LRP2: variants seen among roughly 807,000 people sequenced by gnomAD.
LRP2 encodes the protein LDL receptor related protein 2, also known as low-density lipoprotein receptor-related protein 2.
A neutral mutation model predicts 531.0 loss-of-function variants in LRP2; 172 were observed. The ratio of observed to expected loss-of-function variants is 0.32; its 90% CI spans 0.29 to 0.37. LRP2 has a LOEUF of 0.37. Ranked by LOEUF, LRP2 falls within the 10% of genes least tolerant of loss-of-function variation. The pLI is 1.00. For missense variants in LRP2, 5,167 were observed against 5,868.3 expected (o/e 0.88, Z 3.90); for synonymous variants, 1,992 against 2,027.6 (o/e 0.98, Z 0.47).
At chr2:169,151,912 C>A (rs542015828) in intron 67 of LRP2, among the ~76,000 whole-genome samples, 48 of 152,284 alleles carry the variant, frequency 3.2e-4, no homozygotes, top group African/African-American at 1.2e-3. Context: ...CAAAGATGCT[C>A]TTCCAGGAAC....
Position 169,211,821 on chromosome 2 carries a change from C to T in LRP2, c.6280+147G>A, listed in dbSNP as rs1688603928. On this transcript the variant is annotated intron_variant, in intron 37 of 78. Coordinates refer to ENST00000649046, the MANE Select transcript of LRP2 (RefSeq NM_004525.3). ...CTGAGACACACTAAAGTTTGAAAAA[C>T]ACTTTAGGCTGTGCCAGTTGATTTA... The T allele has an allele frequency of 2.7e-6, 3 of 1,126,306 alleles. No individual in the cohort carries two copies. The African/African-American group carries it at 4.6e-5, about 17-fold the overall frequency. 69.8% of individuals were successfully genotyped at this position (1,126,306 alleles called of 1,614,324 possible). A position where few individuals can be genotyped will look rare whatever the true frequency, so the allele number is the denominator to read the frequency against.
In LRP2 at chr2:169,206,072, T is replaced by C; in HGVS notation, c.7507A>G (p.Ile2503Val). Reference protein sequence around the residue: ...MAEDGSNRTVIARVPKPRAIV... With the variant: ...MAEDGSNRTVVARVPKPRAIV... ...GCTCTTGGTTTTGGAACGCGGGCTATCACAGTGCGGTTAGACCCATCTTCA... is the reference window on the plus strand; with the variant it reads ...GCTCTTGGTTTTGGAACGCGGGCTACCACAGTGCGGTTAGACCCATCTTCA... The change falls in exon 40 of 79, where the codon ATA becomes GTA. Residue 2503 changes from isoleucine to valine, a missense_variant. Physicochemically the swap from Ile to Val is conservative, Grantham distance 29 (BLOSUM62 3). Around this residue, in one of 6 missense-constraint regions of LRP2, gnomAD observed 1,129 missense variants for 1,362.7 expected, o/e 0.83. Coordinates refer to ENST00000649046, the MANE Select transcript of LRP2 (RefSeq NM_004525.3). 1 of 1,614,242 alleles carries C rather than the reference T, an allele frequency of 6.2e-7. No individual in the cohort carries two copies. Among genetic ancestry groups the C allele is most frequent in the Non-Finnish European group, 8.5e-7 (1 of 1,180,038 alleles).
At chr2:169,147,074 GC>G (rs1685941732) in intron 68 of LRP2, 115 bp from the exon 69 acceptor site, 6 of 800,362 alleles carry the variant, frequency 7.5e-6, no homozygotes, top group Middle Eastern at 2.2e-4. Flanking sequence ...GGACCTGGGT[GC>G]TCAGTGACAC....
intron 71 of LRP2, among the ~76,000 whole-genome samples, chr2:169,141,862 GT>G (rs1198841884): frequency 6.6e-6 from 1 of 152,160 alleles, no homozygotes; most frequent in Non-Finnish European, 1.5e-5. Flanking sequence ...ACAAGAAACA[GT>G]TTTTTCTCCC....
chr2:169,300,616 G>T (rs1262140457), intron 4 of LRP2, among the ~76,000 whole-genome samples: 1 of 152,094 alleles, frequency 6.6e-6, no homozygotes, highest in Non-Finnish European at 1.5e-5. Flanking sequence ...AAAGATGGGG[G>T]ATATTTATAA....
At position 169,175,247 on chromosome 2, in the gene LRP2, A is replaced by T; in HGVS notation, c.10714T>A (p.Cys3572Ser). The change falls in exon 55 of 79, where the codon TGC (cysteine) becomes AGC (serine). Residue 3572 changes from cysteine (C) to serine (S), a missense_variant. Transcript: ENST00000649046. ...TCAGGGCAATTTTGGTGAGCATTGC[A>T]TAAAGTCTGCGGGCTGGTGCAGTTG... ...DGNCTSPQTL[C>S]NAHQNCPDGS... The T allele has an allele frequency of 6.2e-7, 1 of 1,614,210 alleles. No homozygotes were observed. Among genetic ancestry groups the T allele is most frequent in the Non-Finnish European group, 8.5e-7 (1 of 1,180,030 alleles).
chr2:169,244,857 C>G lies in LRP2; in HGVS notation c.3266G>C (p.Arg1089Pro). Residue 1089 changes from arginine (R) to proline (P), a missense_variant, in exon 22 of 79, where the codon CGC becomes CCC. By Grantham distance (103) the Arg-to-Pro change is moderately radical. Transcript: ENST00000649046. ...ATCACTGCCATCCACACAGTCGTTGCGTTTGTCACAGCGCCAGTGTGCAGG... is the reference window on the plus strand; with the variant it reads ...ATCACTGCCATCCACACAGTCGTTGGGTTTGTCACAGCGCCAGTGTGCAGG... ...CIPAHWRCDK[R>P]NDCVDGSDEH... The G allele has an allele frequency of 1.2e-6, 2 of 1,614,228 alleles. No homozygotes were observed. Among genetic ancestry groups the G allele is most frequent in the Non-Finnish European group, 1.7e-6 (2 of 1,180,032 alleles).
chr2:169,266,774 G>C (rs79313266), intron 16 of LRP2, among the ~76,000 whole-genome samples: 1,581 of 151,912 alleles, frequency 0.01, 31 homozygotes, highest in African/African-American at 0.036. Flanking sequence ...CTGGCTGCTT[G>C]AGTATGAAAA....
Position 169,270,307 on chromosome 2 carries a change from G to A in LRP2, c.2320+597C>T, listed in dbSNP as rs1044888792. Among the ~76,000 whole-genome samples the A allele has an allele frequency of 1.4e-4, 22 of 152,090 alleles. 1 individual carries two copies. Among genetic ancestry groups the A allele is most frequent in the Admixed American group, 1.3e-3 (20 of 15,280 alleles). On this transcript the variant is annotated intron_variant, in intron 16 of 78. Coordinates refer to ENST00000649046, the MANE Select transcript of LRP2 (RefSeq NM_004525.3). ...TGCTGCTATAAAGACACATGCTCAC[G>A]TATGTTTATTGCGGCACTATTCACA...
At position 169,276,530 on chromosome 2, in the gene LRP2, C is replaced by T. The variant is rs549036807; in HGVS notation, c.1772+1215G>A. Among the ~76,000 whole-genome samples the T allele has an allele frequency of 2.6e-5, 4 of 152,104 alleles. No homozygotes were observed. In the South Asian group the frequency reaches 8.3e-4, roughly 32 times the overall value. ...TTTTCATAAAATTTATTCATATTCT[C>T]CTTATGGAAGCCAGTTTCAGTGATA... On this transcript the variant is annotated intron_variant, in intron 13 of 78. Transcript: ENST00000649046.
chr2:169,150,387 T>C (rs1470222978), intron 68 of LRP2, among the ~76,000 whole-genome samples: 1 of 152,258 alleles, frequency 6.6e-6, no homozygotes, highest in African/African-American at 2.4e-5. Flanking sequence ...TGTTCTCATT[T>C]ACACTGAGAT....
Position 169,233,499 on chromosome 2 carries a change from C to G in LRP2, c.5010G>C (p.Lys1670Asn). The G allele has an allele frequency of 6.2e-7, 1 of 1,614,148 alleles. No homozygotes were observed. Among genetic ancestry groups the G allele is most frequent in the Non-Finnish European group, 8.5e-7 (1 of 1,180,016 alleles). The change falls in exon 30 of 79, where the codon AAG becomes AAC. Residue 1670 changes from lysine to asparagine, a missense_variant. Physicochemically the swap from Lys to Asn is moderately conservative, Grantham distance 94. This residue lies in a region of LRP2 where 2,811 missense variants were observed against 3,058.0 expected (regional missense o/e 0.92). Transcript: ENST00000649046. ...CAACTGACTGGTTCCCTCCATGCCA[C>G]TTGTTGGCTCGCATAACCCGACGAG... Reference protein sequence around the residue: ...RATRRVMRANKWHGGNQSVVM... With the variant: ...RATRRVMRANNWHGGNQSVVM...
At chr2:169,313,063 T>C (rs1684660305) in intron 3 of LRP2, among the ~76,000 whole-genome samples, 1 of 152,218 alleles carries the variant, frequency 6.6e-6, no homozygotes, top group South Asian at 2.1e-4. Flanking sequence ...TCAGGTCATT[T>C]AAGGTCTTCT....
In LRP2 at chr2:169,193,844, C is replaced by T. The variant is rs191663335; in HGVS notation, c.8747G>A (p.Gly2916Glu). ...GATCCATTCGCTTGGGATGCACCTC[C>T]CACCATCACACTTGAACTCATCAGC... ...CLADEFKCDG[G>E]RCIPSEWICD... Residue 2916 changes from glycine (G) to glutamate (E), a missense_variant, in exon 47 of 79, where the codon GGG becomes GAG. Gly to Glu is a moderately conservative substitution (Grantham distance 98, BLOSUM62 -2). This residue lies in a region of LRP2 where 1,129 missense variants were observed against 1,362.7 expected (regional missense o/e 0.83). Coordinates refer to ENST00000649046, the MANE Select transcript of LRP2 (RefSeq NM_004525.3). 6.2e-7 allele frequency: 1 copy of T among 1,614,178 alleles called. No homozygotes were observed. The highest frequency in any genetic ancestry group is 1.7e-5 in the Admixed American group (1 of 60,026).
At chr2:169,349,288 C>G (rs1559087032) in intron 1 of LRP2, among the ~76,000 whole-genome samples, 1 of 152,042 alleles carries the variant, frequency 6.6e-6, no homozygotes, top group Non-Finnish European at 1.5e-5. Flanking sequence ...GAGCAAAGAC[C>G]TGTAGGAGGA....
chr2:169,332,871 G>T (rs1685303579), intron 1 of LRP2, among the ~76,000 whole-genome samples: 2 of 152,094 alleles, frequency 1.3e-5, no homozygotes, highest in Admixed American at 6.5e-5. Context: ...TCATTGCATT[G>T]TTATTCACAC....
chr2:169,266,864 A>G (rs370858969), intron 16 of LRP2, among the ~76,000 whole-genome samples: 108 of 149,218 alleles, frequency 7.2e-4, no homozygotes, highest in African/African-American at 2.2e-3. Flanking sequence ...CATTGTTAAA[A>G]TACACACACG....
In LRP2 at chr2:169,362,414, C is replaced by A. The variant is rs1255352820; in HGVS notation, c.-15G>T. The A allele has an allele frequency of 1.3e-6, 2 of 1,548,792 alleles. No individual in the cohort carries two copies. The highest frequency in any genetic ancestry group is 1.7e-6 in the Non-Finnish European group (2 of 1,149,008). ...CCGCGATCCATCTCCGCGACGGTCC[C>A]CGGCCTCGCCGTTCCTTCCCCGGGA... is the stretch of plus-strand genomic sequence containing the variant. On this transcript the variant is annotated 5_prime_UTR_variant, in exon 1 of 79. Coordinates refer to ENST00000649046, the MANE Select transcript of LRP2 (RefSeq NM_004525.3).
At chr2:169,226,301 AATTT>A in intron 32 of LRP2, 117 bp downstream of exon 32, 1 of 807,266 alleles carries the variant, frequency 1.2e-6, no homozygotes, top group Admixed American at 2.3e-5. Context: ...CTTAGGGATA[AATTT>A]ATTTCCACAT....
Sources: gnomAD v4.1 joint callset for allele counts (sites outside exome capture counted in the v4.1 genomes callset) on GRCh38, gnomAD v4.1.1 for gene constraint, gnomAD v4.1.1 regional missense constraint, MANE v1.5 for transcripts, NCBI Gene and HGNC (gene_info 2026-07-23, HGNC 2026-07-21) for gene names.